NAA50: variants seen among roughly 807,000 people sequenced by gnomAD.
The protein encoded by NAA50 is N-alpha-acetyltransferase 50, NatE catalytic subunit.
A neutral mutation model predicts 20.7 loss-of-function variants in NAA50; 7 were observed. The ratio of observed to expected loss-of-function variants is 0.34; its 90% CI spans 0.19 to 0.63. The LOEUF (loss-of-function observed/expected upper bound fraction) is 0.63. Ranked by LOEUF, NAA50 falls within the 30% of genes least tolerant of loss-of-function variation. The pLI, the probability that NAA50 is intolerant of heterozygous loss-of-function variation, is 0.75. For synonymous variants in NAA50, 54 were observed against 70.6 expected (o/e 0.77, Z 1.18); for missense variants, 111 against 199.1 (o/e 0.56, Z 2.66).
intron 1 of NAA50, among the ~76,000 whole-genome samples, chr3:113,741,686 G>C (rs1424247186): frequency 6.6e-6 from 1 of 152,202 alleles, no homozygotes; most frequent in East Asian, 1.9e-4. Flanking sequence ...GATTCAATAA[G>C]ATGAGTGCTT....
chr3:113,727,978 C>G (rs1708220790), intron 1 of NAA50, among the ~76,000 whole-genome samples: 1 of 151,736 alleles, frequency 6.6e-6, no homozygotes, highest in Admixed American at 6.6e-5. Flanking sequence ...CTTCTGTAAT[C>G]CTGATCACTT....
At chr3:113,745,421 G>C (rs903157367) in intron 1 of NAA50, among the ~76,000 whole-genome samples, 1 of 152,136 alleles carries the variant, frequency 6.6e-6, no homozygotes, top group African/African-American at 2.4e-5. Flanking sequence ...AAATCTAGTT[G>C]AGTCACTAGC....
intron 1 of NAA50, among the ~76,000 whole-genome samples, chr3:113,737,787 A>G (rs990671495): frequency 2.0e-5 from 3 of 152,218 alleles, no homozygotes; most frequent in Non-Finnish European, 4.4e-5. Flanking sequence ...ACTGGGTGCC[A>G]GAACTCTCCT....
At chr3:113,733,413 C>G (rs960939665) in intron 1 of NAA50, among the ~76,000 whole-genome samples, 3 of 151,704 alleles carry the variant, frequency 2.0e-5, no homozygotes, top group African/African-American at 7.3e-5. Flanking sequence ...ATTTGTGAAC[C>G]TTTCTGGATT....
rs372900411 is a variant in NAA50 at position 113,742,559 on chromosome 3, G to A, written c.8+3383C>T. Among the ~76,000 whole-genome samples the A allele has an allele frequency of 1.4e-4, 22 of 152,066 alleles. 1 individual carries two copies. The East Asian group carries it at 3.7e-3, about 25-fold the overall frequency. On this transcript the variant is annotated intron_variant, in intron 1 of 4. Transcript: ENST00000240922. The stretch of plus-strand genomic sequence containing the variant: ...TCCTGGCTGCTTTATTGTTTGTAGA[G>A]ACAAGGTCTCACTATGCTGAGATGC...
At chr3:113,729,489 G>T (rs1708243320) in intron 1 of NAA50, among the ~76,000 whole-genome samples, 1 of 151,532 alleles carries the variant, frequency 6.6e-6, no homozygotes, top group African/African-American at 2.4e-5. Flanking sequence ...CTTTTTGCTG[G>T]CAATACTCCT....
At position 113,743,877 on chromosome 3, in the gene NAA50, G is replaced by A. The variant is rs117323723; in HGVS notation, c.8+2065C>T. On this transcript the variant is annotated intron_variant, in intron 1 of 4. Transcript: ENST00000240922. ...TTTTAAACAGAGATAATTGCTCCAT[G>A]AATATATTAATTCAAGGTAGATTGT... Among the ~76,000 whole-genome samples, 423 of 152,294 alleles carry A rather than the reference G, an allele frequency of 2.8e-3. 6 individuals carry two copies. The highest frequency in any genetic ancestry group is 0.026 in the East Asian group (134 of 5,188).
intron 1 of NAA50, among the ~76,000 whole-genome samples, chr3:113,735,063 A>T (rs1046945029): frequency 5.3e-5 from 8 of 152,224 alleles, no homozygotes; most frequent in Non-Finnish European, 1.2e-4. Flanking sequence ...TAACTAATTC[A>T]TAGCATATAA....
At chr3:113,736,968 T>G (rs1323961999) in intron 1 of NAA50, among the ~76,000 whole-genome samples, 2 of 152,240 alleles carry the variant, frequency 1.3e-5, no homozygotes, top group African/African-American at 2.4e-5. Context: ...GCAGAGTATT[T>G]GATCTGGACT....
chr3:113,744,412 C>A (rs960070277), intron 1 of NAA50, among the ~76,000 whole-genome samples: 20 of 151,280 alleles, frequency 1.3e-4, no homozygotes, highest in African/African-American at 4.9e-4. Flanking sequence ...TGCAGTGGGC[C>A]GAGATAGCGC....
chr3:113,745,845 C>A, intron 1 of NAA50, 97 bp downstream of exon 1: 1 of 1,400,438 alleles, frequency 7.1e-7, no homozygotes, highest in Non-Finnish European at 9.6e-7. Context: ...CCCGTCTTCG[C>A]CCTGAATCTC....
chr3:113,722,031 T>G (rs755464047), intron 4 of NAA50, 94 bp from the exon 5 acceptor site: 1 of 1,172,236 alleles, frequency 8.5e-7, no homozygotes, highest in Non-Finnish European at 1.2e-6. Context: ...ATCTGTTACA[T>G]TCTCTTTACA....
intron 1 of NAA50, among the ~76,000 whole-genome samples, chr3:113,728,287 TAG>T (rs1437223483): frequency 2.0e-5 from 3 of 152,220 alleles, no homozygotes; most frequent in East Asian, 1.9e-4. Flanking sequence ...ATGAACATAA[TAG>T]AGTTGCCTAA....
intron 1 of NAA50, among the ~76,000 whole-genome samples, chr3:113,733,852 C>CAAAAA (rs1559740573): frequency 7.0e-5 from 4 of 57,060 alleles, no homozygotes; most frequent in African/African-American, 4.5e-4. Context: ...GACTCTGTCT[C>CAAAAA]CAAAAAAAAA....
At chr3:113,737,473 C>T (rs1448330184) in intron 1 of NAA50, among the ~76,000 whole-genome samples, 4 of 152,212 alleles carry the variant, frequency 2.6e-5, no homozygotes, top group Non-Finnish European at 5.9e-5. Flanking sequence ...CTTAACCTGT[C>T]ACCCACTGAG....
intron 4 of NAA50, among the ~76,000 whole-genome samples, chr3:113,722,142 G>A (rs1159245533): frequency 6.6e-6 from 1 of 152,094 alleles, no homozygotes; most frequent in Non-Finnish European, 1.5e-5. Flanking sequence ...ACAGCTGGCT[G>A]AGATTAGAAG....
intron 2 of NAA50, 155 bp from the exon 3 acceptor site, chr3:113,723,696 G>T: frequency 1.0e-6 from 1 of 980,982 alleles, no homozygotes; most frequent in Non-Finnish European, 1.4e-6. Flanking sequence ...GCCATCTTAG[G>T]AAGTTTAAGC....
rs1444196176 is a variant in NAA50 at position 113,716,590 on chromosome 3, T to G, written c.*5170A>C. On this transcript the variant is annotated 3_prime_UTR_variant, in exon 5 of 5. Transcript: ENST00000240922. Reference sequence around the variant, plus strand: ...TTTCTCAAAGATAAACTAGACAAGTTCAGTATGGACAAAGAAACAAAGAAA... The same window carrying G: ...TTTCTCAAAGATAAACTAGACAAGTGCAGTATGGACAAAGAAACAAAGAAA... The G allele has an allele frequency of 2.0e-5, 3 of 152,212 alleles. No individual in the cohort carries two copies. The highest frequency in any genetic ancestry group is 4.4e-5 in the Non-Finnish European group (3 of 68,032). 9.4% of individuals were successfully genotyped at this position (152,212 alleles called of 1,614,324 possible).
chr3:113,728,482 G>A (rs1296529238), intron 1 of NAA50, among the ~76,000 whole-genome samples: 8 of 152,126 alleles, frequency 5.3e-5, no homozygotes, highest in Admixed American at 5.2e-4. Flanking sequence ...TTTGAAGAAC[G>A]ACTAGCTTAT....
Sources: gnomAD v4.1 joint callset for allele counts (sites outside exome capture counted in the v4.1 genomes callset) on GRCh38, gnomAD v4.1.1 for gene constraint, MANE v1.5 for transcripts, NCBI Gene and HGNC (gene_info 2026-07-23, HGNC 2026-07-21) for gene names.